The following MIPEP variants were observed in gnomAD, a reference collection of about 807,000 sequenced individuals.
MIPEP encodes mitochondrial intermediate peptidase.
MIPEP carries 79 observed loss-of-function variants against 90.3 expected under a neutral mutation model. That is an observed-to-expected ratio of 0.87 (90% CI 0.73 to 1.05). The LOEUF (loss-of-function observed/expected upper bound fraction) is 1.05. Among genes scored for constraint, MIPEP ranks in the 50% least tolerant of loss-of-function variants. The probability of loss-of-function intolerance (pLI) is 0.00; values close to 1 mark genes in which losing one functional copy is unlikely to be tolerated. For synonymous variants in MIPEP, 334 were observed against 315.8 expected (o/e 1.06, Z -0.61); for missense variants, 940 against 905.6 (o/e 1.04, Z -0.49).
intron 7 of MIPEP, among the ~76,000 whole-genome samples, chr13:23,868,281 G>T (rs756640272): frequency 6.6e-6 from 1 of 152,166 alleles, no homozygotes; most frequent in Admixed American, 6.5e-5. Context: ...ATAGGAGAGT[G>T]ACACGAGCAA....
chr13:23,841,268 C>T lies in MIPEP; in HGVS notation c.1260+67G>A, dbSNP rs888101843. The T allele has an allele frequency of 5.6e-6, 8 of 1,433,160 alleles. No homozygotes were observed. In the African/African-American group the frequency reaches 1.0e-4, roughly 18 times the overall value. 88.8% of individuals were successfully genotyped at this position (1,433,160 alleles called of 1,614,324 possible). A position where few individuals can be genotyped will look rare whatever the true frequency, so the allele number is the denominator to read the frequency against. ...CAAAGTTGATGTAAACCTGAAACTGCTGTTGACTCAACTGCCCAACCGAAA... is the reference window on the plus strand; with the variant it reads ...CAAAGTTGATGTAAACCTGAAACTGTTGTTGACTCAACTGCCCAACCGAAA... On this transcript the variant is annotated intron_variant, in intron 11 of 18. Coordinates refer to ENST00000382172, the MANE Select transcript of MIPEP (RefSeq NM_005932.4).
chr13:23,874,952 T>C (rs1459132049), intron 4 of MIPEP, 43 bp from the exon 5 acceptor site: 3 of 1,533,420 alleles, frequency 2.0e-6, no homozygotes, highest in Admixed American at 2.4e-5. Flanking sequence ...GTAATAAAAA[T>C]TGCTAACAAA....
At chr13:23,880,960 TC>T in intron 3 of MIPEP, among the ~76,000 whole-genome samples, 1 of 152,296 alleles carries the variant, frequency 6.6e-6, no homozygotes, top group East Asian at 1.9e-4. Context: ...TCTCCCTAGC[TC>T]TATACACTGC....
chr13:23,749,244 C>T (rs17421051), intron 18 of MIPEP, among the ~76,000 whole-genome samples: 41,400 of 152,100 alleles, frequency 0.27, 6,531 homozygotes, highest in South Asian at 0.48. Context: ...AGTACTCCTG[C>T]TGACAGACAG....
At chr13:23,783,548 G>T (rs1952804406) in intron 16 of MIPEP, among the ~76,000 whole-genome samples, 1 of 152,160 alleles carries the variant, frequency 6.6e-6, no homozygotes, top group Admixed American at 6.5e-5. Flanking sequence ...CACAAAACAG[G>T]GATGCCCCCT....
chr13:23,814,001 G>A (rs996934799), intron 14 of MIPEP, among the ~76,000 whole-genome samples: 3 of 152,162 alleles, frequency 2.0e-5, no homozygotes, highest in Non-Finnish European at 4.4e-5. Flanking sequence ...AAATGAAAAT[G>A]CATTTAAAAC....
intron 16 of MIPEP, among the ~76,000 whole-genome samples, chr13:23,774,606 C>G (rs1952691626): frequency 6.6e-6 from 1 of 152,030 alleles, no homozygotes. Flanking sequence ...TTATACTTTA[C>G]AAGTCTTGAA....
chr13:23,888,912 C>T, intron 1 of MIPEP: 1 of 527,336 alleles, frequency 1.9e-6, no homozygotes, highest in Non-Finnish European at 2.9e-6. Context: ...AAGCAGTTCC[C>T]GGACCCGACA....
rs1269931078 is a variant in MIPEP at position 23,730,359 on chromosome 13, C to A, written c.2131G>T (p.Asp711Tyr). ...GTAGAGTGTTTCTTTTATTCAGAAT[C>A]CATGAGGAAAGTTTCGAAGTCCAGA... ...LDLDFETFLM[D>Y]SE Residue 711 changes from aspartate (D) to tyrosine (Y), a missense_variant, in exon 19 of 19, where the codon GAT (aspartate) becomes TAT (tyrosine). By Grantham distance (160) the Asp-to-Tyr change is radical. Coordinates refer to ENST00000382172, the MANE Select transcript of MIPEP (RefSeq NM_005932.4). The A allele has an allele frequency of 1.9e-6, 3 of 1,608,790 alleles. No individual in the cohort carries two copies. In the South Asian group the frequency reaches 3.3e-5, roughly 18 times the overall value.
chr13:23,873,741 CAACT>C (rs1275490108), intron 5 of MIPEP, among the ~76,000 whole-genome samples: 1 of 152,098 alleles, frequency 6.6e-6, no homozygotes, highest in African/African-American at 2.4e-5. Flanking sequence ...GGAAAGAATA[CAACT>C]AACTCCCAAA....
chr13:23,755,665 T>C (rs1224286806), intron 18 of MIPEP, among the ~76,000 whole-genome samples: 2 of 152,228 alleles, frequency 1.3e-5, no homozygotes, highest in Non-Finnish European at 1.5e-5. Context: ...TGTTTCAATG[T>C]TCTTATATTC....
At chr13:23,805,498 T>C (rs201143103) in intron 16 of MIPEP, among the ~76,000 whole-genome samples, 1 of 152,224 alleles carries the variant, frequency 6.6e-6, no homozygotes. Context: ...GTAACATTAC[T>C]CCTGCTCTCT....
chr13:23,794,076 G>C (rs999756359), intron 16 of MIPEP, among the ~76,000 whole-genome samples: 4 of 152,218 alleles, frequency 2.6e-5, no homozygotes, highest in African/African-American at 9.6e-5. Flanking sequence ...ACGCTCATTA[G>C]GGGAAGACTG....
intron 16 of MIPEP, among the ~76,000 whole-genome samples, chr13:23,803,019 T>C (rs1310054215): frequency 6.6e-6 from 1 of 152,150 alleles, no homozygotes; most frequent in Non-Finnish European, 1.5e-5. Flanking sequence ...GACCGCATCA[T>C]AAGTTGAGAA....
At chr13:23,774,440 A>G (rs1257924578) in intron 16 of MIPEP, among the ~76,000 whole-genome samples, 3 of 152,212 alleles carry the variant, frequency 2.0e-5, no homozygotes, top group African/African-American at 4.8e-5. Context: ...TTTTCTATAA[A>G]AAAAAGCAGC....
At chr13:23,837,865 TAACTTA>T (rs1387388575) in intron 12 of MIPEP, 109 bp from the exon 13 acceptor site, 8 of 712,770 alleles carry the variant, frequency 1.1e-5, no homozygotes, top group East Asian at 2.7e-5. Context: ...GTGCAAACTT[TAACTTA>T]ATTATATTCT....
chr13:23,852,519 A>C (rs926892266), intron 10 of MIPEP, among the ~76,000 whole-genome samples: 3 of 152,178 alleles, frequency 2.0e-5, no homozygotes, highest in Non-Finnish European at 4.4e-5. Flanking sequence ...TCTATCACCT[A>C]GTAACATTGT....
chr13:23,863,898 C>A (rs1379645416), intron 8 of MIPEP, among the ~76,000 whole-genome samples: 2 of 152,048 alleles, frequency 1.3e-5, no homozygotes, highest in African/African-American at 4.8e-5. Flanking sequence ...TTTTAAAGTG[C>A]AAATGAAAGA....
chr13:23,882,352 CT>C (rs371163136), intron 2 of MIPEP, among the ~76,000 whole-genome samples: 1,632 of 147,532 alleles, frequency 0.011, 14 homozygotes, highest in African/African-American at 0.03. Context: ...CTCTTAAAGG[CT>C]TTTTTTTTTA....
Sources: allele counts gnomAD v4.1 joint callset (sites outside exome capture counted in the v4.1 genomes callset), GRCh38; gene constraint gnomAD v4.1.1; transcripts MANE v1.5; gene names NCBI Gene and HGNC (gene_info 2026-07-23, HGNC 2026-07-21).